Variants in JAM2 observed in about 807,000 individuals in gnomAD.
JAM2 encodes the protein junctional adhesion molecule B.
In JAM2, 17 loss-of-function variants were observed where a neutral mutation model predicts 42.0. The observed-to-expected ratio is 0.40, with a 90% CI of 0.28 to 0.61. The LOEUF (loss-of-function observed/expected upper bound fraction) is 0.61, where lower values mean the gene tolerates loss of function less well. Ranked by LOEUF, JAM2 falls within the 20% of genes least tolerant of loss-of-function variation. The pLI is 0.37. For missense variants in JAM2, 319 were observed against 358.3 expected (o/e 0.89, Z 0.89); for synonymous variants, 118 against 128.6 (o/e 0.92, Z 0.56).
chr21:25,639,937 C>G, intron 1 of JAM2, 49 bp downstream of exon 1: 1 of 1,353,132 alleles, frequency 7.4e-7, no homozygotes, highest in Non-Finnish European at 1.0e-6. Context: ...CAGCCTGCCC[C>G]CACCCTCCAG....
chr21:25,689,063 G>C (rs2033818837), intron 2 of JAM2, among the ~76,000 whole-genome samples: 1 of 151,474 alleles, frequency 6.6e-6, no homozygotes, highest in African/African-American at 2.4e-5. Context: ...ACAGTGAAAA[G>C]AAGGGGGTTC....
chr21:25,671,679 G>A (rs1268717966), intron 1 of JAM2, among the ~76,000 whole-genome samples: 1 of 151,936 alleles, frequency 6.6e-6, no homozygotes, highest in Non-Finnish European at 1.5e-5. Flanking sequence ...CTAATTTTTT[G>A]TATTTTTTTA....
intron 1 of JAM2, among the ~76,000 whole-genome samples, chr21:25,676,832 AT>A (rs1213876903): frequency 6.6e-6 from 1 of 152,242 alleles, no homozygotes; most frequent in African/African-American, 2.4e-5. Flanking sequence ...AAAATCCAAC[AT>A]TTTGTTTTTA....
chr21:25,651,524 G>A (rs1293886412), intron 1 of JAM2, among the ~76,000 whole-genome samples: 1 of 152,156 alleles, frequency 6.6e-6, no homozygotes, highest in African/African-American at 2.4e-5. Context: ...GCAGCAATAT[G>A]TAGAAAAATT....
chr21:25,709,609 G>T (rs1274265570), intron 8 of JAM2, 160 bp downstream of exon 8: 1 of 458,128 alleles, frequency 2.2e-6, no homozygotes, highest in Non-Finnish European at 4.1e-6. Flanking sequence ...GTATTAGGCT[G>T]TTCTTGCATT....
At chr21:25,651,745 TATAGGGGATTGGCTAA>T (rs1194551917) in intron 1 of JAM2, among the ~76,000 whole-genome samples, 2 of 152,220 alleles carry the variant, frequency 1.3e-5, no homozygotes, top group African/African-American at 4.8e-5. Flanking sequence ...AATGCCCATT[TATAGGGGATTGGCTAA>T]ATAAATAACA....
rs2033485044 is a variant in JAM2 at position 25,676,094 on chromosome 21, CCTGGCCAA to C, written c.68-7787_68-7780del. Reference sequence around the variant, plus strand: ...CTTGAGGTCAGGAGTTTGAGACCAGCCTGGCCAACATGGTGAAACCCCGTCTCTACTAA... The same window carrying C: ...CTTGAGGTCAGGAGTTTGAGACCAGCCATGGTGAAACCCCGTCTCTACTAA... On this transcript the variant is annotated intron_variant, in intron 1 of 9. Coordinates refer to ENST00000480456, the MANE Select transcript of JAM2 (RefSeq NM_021219.4). Among the ~76,000 whole-genome samples the C allele has an allele frequency of 2.6e-5, 4 of 152,024 alleles. No homozygotes were observed. The South Asian group carries it at 8.3e-4, about 32-fold the overall frequency.
Position 25,693,829 on chromosome 21 carries a change from G to A in JAM2, c.315G>A (p.Gly105=), listed in dbSNP as rs753030534. Residue 105 remains glycine, a synonymous_variant, in exon 4 of 10, where the codon GGG becomes GGA. Transcript: ENST00000480456. The part of the protein sequence containing the change: ...RIKNVTRSDA[G]KYRCEVSAPS... ...AAAATGTGACAAGAAGTGATGCGGG[G>A]AAATATCGTTGTGAAGTTAGTGCCC... 1 of 1,614,124 alleles carries A rather than the reference G, an allele frequency of 6.2e-7. No homozygotes were observed. Among genetic ancestry groups the A allele is most frequent in the East Asian group, 2.2e-5 (1 of 44,880 alleles).
In JAM2 at chr21:25,716,379, G is replaced by A. The variant is rs768037443; in HGVS notation, c.*1707G>A. The A allele has an allele frequency of 1.2e-4, 19 of 152,208 alleles. No homozygotes were observed. Among genetic ancestry groups the A allele is most frequent in the African/African-American group, 3.6e-4 (15 of 41,432 alleles). 9.4% of individuals were successfully genotyped at this position (152,208 alleles called of 1,614,324 possible). On this transcript the variant is annotated 3_prime_UTR_variant, in exon 10 of 10. Transcript: ENST00000480456. ...AGGATTCACCGAACAAATGGATTAA[G>A]CACCCACTGAGTGCCTAGCATGTGC...
intron 1 of JAM2, among the ~76,000 whole-genome samples, chr21:25,644,897 T>C (rs2123302253): frequency 6.6e-6 from 1 of 152,142 alleles, no homozygotes; most frequent in South Asian, 2.1e-4. Flanking sequence ...TTTGTTTTAT[T>C]TGAGATGGAA....
rs571312257 is a variant in JAM2 at position 25,692,915 on chromosome 21, A to G, written c.242-841A>G. Among the ~76,000 whole-genome samples, 13 of 152,350 alleles carry G rather than the reference A, an allele frequency of 8.5e-5. No individual in the cohort carries two copies. The South Asian group carries it at 2.1e-3, about 24-fold the overall frequency. ...ATCCCTGTTTTATGTGAGTGAAGGC[A>G]AAGACCTAAAATGGCTTGTTAAGGG... On this transcript the variant is annotated intron_variant, in intron 3 of 9. Transcript: ENST00000480456.
chr21:25,651,641 T>C (rs940731536), intron 1 of JAM2, among the ~76,000 whole-genome samples: 1 of 152,250 alleles, frequency 6.6e-6, no homozygotes, highest in Non-Finnish European at 1.5e-5. Context: ...AAAGCTGTAG[T>C]TGCAAAAACA....
At chr21:25,668,979 A>C (rs1165696182) in intron 1 of JAM2, among the ~76,000 whole-genome samples, 1 of 152,222 alleles carries the variant, frequency 6.6e-6, no homozygotes, top group Non-Finnish European at 1.5e-5. Context: ...ACAGCCAAAG[A>C]GGTTTTAACT....
chr21:25,704,572 C>T (rs1233634658), intron 6 of JAM2, among the ~76,000 whole-genome samples: 1 of 152,106 alleles, frequency 6.6e-6, no homozygotes, highest in Non-Finnish European at 1.5e-5. Flanking sequence ...AATATTTTCT[C>T]TAGGTTATTT....
At chr21:25,695,459 T>A (rs1358825941) in intron 4 of JAM2, among the ~76,000 whole-genome samples, 1 of 152,238 alleles carries the variant, frequency 6.6e-6, no homozygotes, top group African/African-American at 2.4e-5. Context: ...ACCGCCATCG[T>A]CATCATGGCC....
intron 1 of JAM2, among the ~76,000 whole-genome samples, chr21:25,659,647 A>G (rs2033027814): frequency 6.6e-6 from 1 of 152,338 alleles, no homozygotes; most frequent in East Asian, 1.9e-4. Flanking sequence ...TGAAGGTGGA[A>G]AAAACTGGGT....
Position 25,699,548 on chromosome 21 carries a change from C to T in JAM2, c.597+669C>T, listed in dbSNP as rs1384238083. Among the ~76,000 whole-genome samples, 4 of 151,924 alleles carry T rather than the reference C, an allele frequency of 2.6e-5. No homozygotes were observed. The East Asian group carries it at 7.7e-4, about 29-fold the overall frequency. On this transcript the variant is annotated intron_variant, in intron 5 of 9. Coordinates refer to ENST00000480456, the MANE Select transcript of JAM2 (RefSeq NM_021219.4). ...CCATCCTGGCTAACACGGTGAAACC[C>T]CGTCTCTACTAAAAATACAAAAGAC...
At chr21:25,695,128 C>T (rs1261226392) in intron 4 of JAM2, among the ~76,000 whole-genome samples, 1 of 152,066 alleles carries the variant, frequency 6.6e-6, no homozygotes, top group Non-Finnish European at 1.5e-5. Flanking sequence ...GACCCTGCGG[C>T]CTTCCGCAGT....
chr21:25,695,837 G>A (rs1222836412), intron 4 of JAM2, among the ~76,000 whole-genome samples: 8 of 150,010 alleles, frequency 5.3e-5, no homozygotes, highest in African/African-American at 7.4e-5. Flanking sequence ...ACCGGGCGGC[G>A]GGGCAGAGGC....
Sources: gnomAD v4.1 joint callset for allele counts (sites outside exome capture counted in the v4.1 genomes callset) on GRCh38, gnomAD v4.1.1 for gene constraint, MANE v1.5 for transcripts, NCBI Gene and HGNC (gene_info 2026-07-23, HGNC 2026-07-21) for gene names.